Variants in KRIT1 observed in about 807,000 individuals in gnomAD.
The protein encoded by KRIT1 is KRIT1 ankyrin repeat containing, also known as krev interaction trapped protein 1.
Under a neutral mutation model 95.8 loss-of-function variants are expected in KRIT1, and 45 were observed. The observed-to-expected ratio is 0.47, with a 90% CI of 0.37 to 0.60. The LOEUF (loss-of-function observed/expected upper bound fraction) is 0.60, where lower values mean the gene tolerates loss of function less well. Among genes scored for constraint, KRIT1 ranks in the 20% least tolerant of loss-of-function variants. The pLI is 0.00. For missense variants in KRIT1, 788 were observed against 877.5 expected (o/e 0.90, Z 1.29); for synonymous variants, 282 against 278.8 (o/e 1.01, Z -0.11).
Position 92,213,187 on chromosome 7 carries a change from AAATCTACCTT to A in KRIT1, c.2023_2025+7del. On this transcript the variant is annotated splice_donor_variant and splice_donor_5th_base_variant and coding_sequence_variant and intron_variant, in exon 17 of 19. Transcript: ENST00000394505. LOFTEE classifies it high-confidence loss of function. ...GACATGATTGGTAAAAAAGAGCTGA[AAATCTACCTT>A]AGTTTCCATGTTGAGGAGATGAAGT... 6.3e-7 allele frequency: 1 copy of A among 1,588,146 alleles called. No homozygotes were observed. The highest frequency in any genetic ancestry group is 1.7e-4 in the Middle Eastern group (1 of 5,994).
chr7:92,230,267 G>A (rs889770996), intron 10 of KRIT1, among the ~76,000 whole-genome samples: 2 of 152,106 alleles, frequency 1.3e-5, no homozygotes, highest in African/African-American at 4.8e-5. Context: ...ACTAGCCAGA[G>A]TTAGAAGCCA....
At chr7:92,216,919 A>G (rs1482998083) in intron 14 of KRIT1, among the ~76,000 whole-genome samples, 1 of 152,192 alleles carries the variant, frequency 6.6e-6, no homozygotes, top group African/African-American at 2.4e-5. Context: ...TAATGAAATC[A>G]GGATGTTTTC....
intron 17 of KRIT1, among the ~76,000 whole-genome samples, chr7:92,202,491 A>G (rs1790409712): frequency 6.6e-6 from 1 of 152,258 alleles, no homozygotes; most frequent in Non-Finnish European, 1.5e-5. Context: ...ATTTGTGTAC[A>G]TATAAACAAA....
chr7:92,205,125 T>A (rs1436611650), intron 17 of KRIT1, among the ~76,000 whole-genome samples: 2 of 152,132 alleles, frequency 1.3e-5, no homozygotes, highest in Non-Finnish European at 2.9e-5. Context: ...GGCAGTCGGA[T>A]CACCTGAGGT....
chr7:92,234,853 T>C lies in KRIT1; in HGVS notation c.800A>G (p.Lys267Arg). Residue 267 changes from lysine (K) to arginine (R), a missense_variant, in exon 9 of 19, where the codon AAA (lysine) becomes AGA (arginine). Physicochemically the swap from Lys to Arg is conservative, Grantham distance 26. Coordinates refer to ENST00000394505, the MANE Select transcript of KRIT1 (RefSeq NM_194454.3). ...CATGCTTCTCTGCCATTTTTCCTGTTTAGGTATTTGGATTTTTGAGTAGTC... is the reference window on the plus strand; with the variant it reads ...CATGCTTCTCTGCCATTTTTCCTGTCTAGGTATTTGGATTTTTGAGTAGTC... ...APDYSKIQIP[K>R]QEKWQRSMSS... The C allele has an allele frequency of 1.2e-6, 2 of 1,610,790 alleles. No homozygotes were observed. Among genetic ancestry groups the C allele is most frequent in the South Asian group, 2.2e-5 (2 of 91,010 alleles).
rs972160391 is a variant in KRIT1, at chr7:92,201,297, T to C, written c.2142+10A>G. ...AATAGTTTATGAAGTCCAAAATAAA[T>C]GATACTTACCTGTTTTGTATGTACT... On this transcript the variant is annotated intron_variant, in intron 18 of 18. Transcript: ENST00000394505. 2 of 1,202,794 alleles carry C rather than the reference T, an allele frequency of 1.7e-6. No individual in the cohort carries two copies. Among genetic ancestry groups the C allele is most frequent in the Non-Finnish European group, 1.2e-6 (1 of 805,218 alleles). 74.5% of individuals were successfully genotyped at this position (1,202,794 alleles called of 1,614,324 possible).
rs190757422 is a variant in KRIT1 at position 92,211,298 on chromosome 7, A to C, written c.2025+1897T>G. On this transcript the variant is annotated intron_variant, in intron 17 of 18. Transcript: ENST00000394505. ...GTGTCTCCCAACAGATGAATGAATA[A>C]AGAAAACGTGGTATATATGCACAAT... Among the ~76,000 whole-genome samples the C allele has an allele frequency of 2.5e-3, 381 of 152,366 alleles. 5 individuals are homozygous for C. Among genetic ancestry groups the C allele is most frequent in the Admixed American group, 0.023 (351 of 15,304 alleles).
chr7:92,214,592 C>A lies in KRIT1; in HGVS notation c.1730+19G>T, dbSNP rs765030281. On this transcript the variant is annotated intron_variant, in intron 15 of 18. Transcript: ENST00000394505. Reference sequence around the variant, plus strand: ...ATCTTAAGCATAGCACAAGACCATGCATAATATTAAATACTTACTTTAGGA... The same window carrying A: ...ATCTTAAGCATAGCACAAGACCATGAATAATATTAAATACTTACTTTAGGA... 2.6e-6 allele frequency: 4 copies of A among 1,565,718 alleles called. No individual in the cohort carries two copies. The highest frequency in any genetic ancestry group is 3.5e-6 in the Non-Finnish European group (4 of 1,136,512).
intron 17 of KRIT1, among the ~76,000 whole-genome samples, chr7:92,203,335 G>A (rs994467539): frequency 2.0e-5 from 3 of 152,160 alleles, no homozygotes; most frequent in Admixed American, 6.5e-5. Context: ...CACATTTGAC[G>A]GCTGAAATAT....
rs1798437900 is a variant in KRIT1 at position 92,236,398 on chromosome 7, A to G, written c.485+15T>C. The G allele has an allele frequency of 6.4e-7, 1 of 1,570,084 alleles. No homozygotes were observed. The highest frequency in any genetic ancestry group is 8.8e-7 in the Non-Finnish European group (1 of 1,140,966). ...ATTTGATTAATTAAAAGATACTTCT[A>G]ACGGCATTTCTTACTTATCCAAGGC... is the stretch of plus-strand genomic sequence containing the variant. On this transcript the variant is annotated intron_variant, in intron 7 of 18. Transcript: ENST00000394505.
intron 17 of KRIT1, 118 bp downstream of exon 17, chr7:92,213,077 T>C (rs1296148956): frequency 1.5e-6 from 1 of 684,538 alleles, no homozygotes; most frequent in African/African-American, 1.8e-5. Flanking sequence ...TCTTATGTAA[T>C]GAATGAGTTG....
At chr7:92,217,280 T>C (rs757265916) in intron 14 of KRIT1, among the ~76,000 whole-genome samples, 5 of 152,190 alleles carry the variant, frequency 3.3e-5, no homozygotes, top group Non-Finnish European at 7.4e-5. Context: ...GTAAAACAGA[T>C]ATAATATTTG....
intron 7 of KRIT1, 128 bp from the exon 8 acceptor site, chr7:92,235,774 T>G: frequency 1.2e-6 from 1 of 868,336 alleles, no homozygotes; most frequent in Non-Finnish European, 1.8e-6. Context: ...TTTAATTTAG[T>G]GTTAGTTAAG....
At position 92,244,938 on chromosome 7, in the gene KRIT1, T is replaced by C. The variant is rs1160337758; in HGVS notation, c.-187A>G. 1 of 152,208 alleles carries C rather than the reference T, an allele frequency of 6.6e-6. No individual in the cohort carries two copies. The highest frequency in any genetic ancestry group is 1.5e-5 in the Non-Finnish European group (1 of 68,066). The allele number at this position is 152,208 out of a possible 1,614,324, so 9.4% of individuals were successfully genotyped here. A position where few individuals can be genotyped will look rare whatever the true frequency, so the allele number is the denominator to read the frequency against. On this transcript the variant is annotated 5_prime_UTR_variant, in exon 2 of 19. Transcript: ENST00000394505. ...GGAAAATATGGAGGGCATTTCTGGT[T>C]GTCACTATGACTGATGAGGGGAGAT... is the stretch of plus-strand genomic sequence containing the variant.
At chr7:92,201,575 G>A (rs982640680) in intron 17 of KRIT1, 152 bp from the exon 18 acceptor site, 4 of 608,464 alleles carry the variant, frequency 6.6e-6, no homozygotes, top group Non-Finnish European at 1.2e-5. Context: ...TGGGGTACAC[G>A]TGCAGAATGT....
In KRIT1 at chr7:92,235,433, C is replaced by A. The variant is rs1456339042; in HGVS notation, c.699G>T (p.Leu233Phe). ...EKADTCIYNP[L>F]FGSDLQYTNR... Reference sequence around the variant, plus strand: ...TTGTATACTGAAGATCTGATCCAAACAAAGGGTTGTAAATACAGGTATCTG... The same window carrying A: ...TTGTATACTGAAGATCTGATCCAAAAAAAGGGTTGTAAATACAGGTATCTG... The change falls in exon 8 of 19, where the codon TTG becomes TTT. Residue 233 changes from leucine (L) to phenylalanine (F), a missense_variant. This residue lies in a region of KRIT1 where 289 missense variants were observed against 277.5 expected (regional missense o/e 1.04). Coordinates refer to ENST00000394505, the MANE Select transcript of KRIT1 (RefSeq NM_194454.3). 1.7e-5 allele frequency: 27 copies of A among 1,613,734 alleles called. No individual in the cohort carries two copies. The highest frequency in any genetic ancestry group is 2.2e-5 in the Non-Finnish European group (26 of 1,179,764).
chr7:92,205,773 T>G (rs983957548), intron 17 of KRIT1: 2 of 152,192 alleles, frequency 1.3e-5, no homozygotes, highest in African/African-American at 4.8e-5. Context: ...GATTTGATTT[T>G]TATTAGCTTC....
chr7:92,223,627 C>T (rs1795620026), intron 12 of KRIT1, among the ~76,000 whole-genome samples: 1 of 151,984 alleles, frequency 6.6e-6, no homozygotes, highest in Admixed American at 6.6e-5. Context: ...ACGAGAGATA[C>T]AAACTTGGTT....
intron 10 of KRIT1, among the ~76,000 whole-genome samples, chr7:92,227,953 A>C (rs1340587588): frequency 6.6e-6 from 1 of 152,022 alleles, no homozygotes; most frequent in Non-Finnish European, 1.5e-5. Context: ...CGGAGGTTGC[A>C]GTGAGCCAGA....
Sources: allele counts gnomAD v4.1 joint callset (sites outside exome capture counted in the v4.1 genomes callset), GRCh38; gene constraint gnomAD v4.1.1; regional missense constraint gnomAD v4.1.1; transcripts MANE v1.5; gene names NCBI Gene and HGNC (gene_info 2026-07-23, HGNC 2026-07-21).